The following DPYD variants were observed in gnomAD, a reference collection of about 807,000 sequenced individuals.
DPYD encodes dihydropyrimidine dehydrogenase [NADP(+)].
DPYD carries 109 observed loss-of-function variants against 116.2 expected under a neutral mutation model. The observed-to-expected ratio is 0.94, with a 90% CI of 0.80 to 1.10. The LOEUF is 1.10. Ranked by LOEUF, DPYD falls within the 50% of genes least tolerant of loss-of-function variation. The pLI, the probability that DPYD is intolerant of heterozygous loss-of-function variation, is 0.00. For synonymous variants in DPYD, 440 were observed against 432.0 expected (o/e 1.02, Z -0.23); for missense variants, 1,302 against 1,254.5 (o/e 1.04, Z -0.57).
intron 16 of DPYD, among the ~76,000 whole-genome samples, chr1:97,320,301 T>C (rs1482013650): frequency 1.5e-5 from 2 of 136,820 alleles, no homozygotes; most frequent in South Asian, 5.3e-4. Context: ...TTGTCCCTGT[T>C]TGCAGACGAC....
intron 8 of DPYD, among the ~76,000 whole-genome samples, chr1:97,670,257 C>T (rs1189710778): frequency 2.0e-5 from 3 of 152,020 alleles, no homozygotes; most frequent in South Asian, 2.1e-4. Context: ...GATTACCAAA[C>T]GTAAAACAAA....
chr1:97,292,087 T>C (rs1006012962), intron 18 of DPYD, among the ~76,000 whole-genome samples: 1 of 152,152 alleles, frequency 6.6e-6, no homozygotes, highest in Non-Finnish European at 1.5e-5. Context: ...GAGATGCTAA[T>C]TGAAAATATA....
At chr1:97,870,958 A>G (rs970592689) in intron 2 of DPYD, among the ~76,000 whole-genome samples, 1 of 151,886 alleles carries the variant, frequency 6.6e-6, no homozygotes, top group African/African-American at 2.4e-5. Context: ...TCGGGAAAAC[A>G]GCAAAACTCA....
intron 14 of DPYD, among the ~76,000 whole-genome samples, chr1:97,389,311 A>G (rs1223264783): frequency 1.1e-4 from 1 of 8,934 alleles, no homozygotes; most frequent in African/African-American, 3.2e-4. Context: ...TTTGTCTTTG[A>G]AAAAAAAAAA....
intron 12 of DPYD, among the ~76,000 whole-genome samples, chr1:97,532,552 C>T (rs980042309): frequency 1.3e-5 from 2 of 151,998 alleles, no homozygotes; most frequent in African/African-American, 4.8e-5. Context: ...GACTCAATCT[C>T]CTTATTTGTT....
chr1:97,686,714 A>T (rs1279962551), intron 7 of DPYD, among the ~76,000 whole-genome samples: 2 of 151,178 alleles, frequency 1.3e-5, no homozygotes, highest in Non-Finnish European at 3.0e-5. Context: ...AAAATCTAGG[A>T]AATACCATTC....
At chr1:97,209,725 T>A (rs1235444546) in intron 19 of DPYD, among the ~76,000 whole-genome samples, 4 of 152,146 alleles carry the variant, frequency 2.6e-5, no homozygotes, top group African/African-American at 9.7e-5. Context: ...GCATGACAAC[T>A]GAAATCCCAT....
At chr1:97,466,572 A>G (rs982393405) in intron 13 of DPYD, among the ~76,000 whole-genome samples, 1 of 152,224 alleles carries the variant, frequency 6.6e-6, no homozygotes, top group Non-Finnish European at 1.5e-5. Flanking sequence ...CTCTATAATT[A>G]TCATTTGTGC....
intron 16 of DPYD, among the ~76,000 whole-genome samples, chr1:97,368,599 C>T (rs1310745989): frequency 6.6e-6 from 1 of 152,134 alleles, no homozygotes; most frequent in East Asian, 1.9e-4. Context: ...AACTATTTTT[C>T]TTTTGATAGC....
chr1:97,561,864 T>C (rs1381214103), intron 11 of DPYD, among the ~76,000 whole-genome samples: 2 of 152,198 alleles, frequency 1.3e-5, no homozygotes, highest in African/African-American at 2.4e-5. Flanking sequence ...TCAACTATTA[T>C]AAATGTCACT....
chr1:97,101,935 C>T (rs1020397733), intron 20 of DPYD, among the ~76,000 whole-genome samples: 2 of 151,926 alleles, frequency 1.3e-5, no homozygotes, highest in Non-Finnish European at 2.9e-5. Context: ...CTAAATCCTA[C>T]TCATTTAAAG....
intron 8 of DPYD, among the ~76,000 whole-genome samples, chr1:97,655,057 A>G (rs72975763): frequency 0.15 from 23,359 of 152,142 alleles, 2,007 homozygotes; most frequent in African/African-American, 0.21. Flanking sequence ...CACAACATGT[A>G]GGAATTATGG....
In DPYD at chr1:97,892,370, G is replaced by A. The variant is rs764498501; in HGVS notation, c.40-8996C>T. 5.3e-5 allele frequency among the ~76,000 whole-genome samples: 8 copies of A among 151,796 alleles called. No individual in the cohort carries two copies. The South Asian group carries it at 6.2e-4, about 12-fold the overall frequency. On this transcript the variant is annotated intron_variant, in intron 1 of 22. Coordinates refer to ENST00000370192, the MANE Select transcript of DPYD (RefSeq NM_000110.4). The stretch of plus-strand genomic sequence containing the variant: ...CCCCAGTCTCAGCCAGTTATCCCAC[G>A]CTTCTCCATGTCTCTCATTAGTCAT...
intron 20 of DPYD, among the ~76,000 whole-genome samples, chr1:97,137,417 C>T (rs1294662584): frequency 6.6e-6 from 1 of 152,228 alleles, no homozygotes; most frequent in Admixed American, 6.5e-5. Context: ...TATCATCTCT[C>T]TTGAAACCTG....
intron 1 of DPYD, among the ~76,000 whole-genome samples, chr1:97,897,386 A>G (rs189201724): frequency 3.3e-5 from 5 of 151,808 alleles, no homozygotes; most frequent in African/African-American, 1.2e-4. Context: ...TGTTTTCTTT[A>G]TATTTCTTCT....
intron 20 of DPYD, among the ~76,000 whole-genome samples, chr1:97,167,463 T>C (rs760663575): frequency 2.2e-4 from 34 of 152,144 alleles, no homozygotes; most frequent in Admixed American, 6.6e-4. Flanking sequence ...AAAATGACTA[T>C]ATAACTGAGA....
intron 3 of DPYD, among the ~76,000 whole-genome samples, chr1:97,823,139 T>C (rs1436683904): frequency 6.6e-6 from 1 of 151,982 alleles, no homozygotes; most frequent in East Asian, 1.9e-4. Flanking sequence ...CTTTTTTTGT[T>C]TGTTTGTTTT....
chr1:97,703,255 C>T (rs1431462895), intron 5 of DPYD, among the ~76,000 whole-genome samples: 2 of 151,934 alleles, frequency 1.3e-5, no homozygotes, highest in Non-Finnish European at 2.9e-5. Flanking sequence ...TGAATTTCAG[C>T]ACAACAGATG....
At chr1:97,166,126 C>T (rs1339052106) in intron 20 of DPYD, among the ~76,000 whole-genome samples, 1 of 152,070 alleles carries the variant, frequency 6.6e-6, no homozygotes, top group East Asian at 1.9e-4. Flanking sequence ...AGATACGTGT[C>T]CACATAAGGT....
Sources: allele counts gnomAD v4.1 joint callset (sites outside exome capture counted in the v4.1 genomes callset), GRCh38; gene constraint gnomAD v4.1.1; transcripts MANE v1.5; gene names NCBI Gene and HGNC (gene_info 2026-07-23, HGNC 2026-07-21).